The following FARP1 variants were observed in gnomAD, a reference collection of about 807,000 sequenced individuals.
FARP1 encodes the protein FERM, ARH/RhoGEF and pleckstrin domain protein 1, also known as FERM, ARHGEF and pleckstrin domain-containing protein 1.
FARP1 carries 52 observed loss-of-function variants against 128.8 expected under a neutral mutation model. The observed-to-expected ratio is 0.40, with a 90% CI of 0.32 to 0.51. FARP1 has a LOEUF of 0.51. FARP1 is among the 20% of genes least tolerant of loss of function. The probability of loss-of-function intolerance (pLI) is 0.45; values close to 1 mark genes in which losing one functional copy is unlikely to be tolerated. For missense variants in FARP1, 1,333 were observed against 1,367.9 expected, an observed-to-expected ratio of 0.97 and a Z score of 0.40; for synonymous variants, 580 against 551.8, an observed-to-expected ratio of 1.05 and a Z score of -0.72.
rs748376174 is a variant in FARP1, at chr13:98,451,716, T to C, written c.*3399T>C. 1.3e-5 allele frequency: 2 copies of C among 152,168 alleles called. No individual in the cohort carries two copies. The highest frequency in any genetic ancestry group is 2.9e-5 in the Non-Finnish European group (2 of 68,044). 9.4% of individuals were successfully genotyped at this position (152,168 alleles called of 1,614,324 possible). ...CTGGCACACCCACGGGAGATGTCAA[T>C]CATCAGCTTCAACAAACATAAAAGA... On this transcript the variant is annotated 3_prime_UTR_variant, in exon 27 of 27. Coordinates refer to ENST00000319562, the MANE Select transcript of FARP1 (RefSeq NM_005766.4).
intron 1 of FARP1, among the ~76,000 whole-genome samples, chr13:98,154,060 GA>G (rs1041531125): frequency 8.5e-5 from 13 of 152,120 alleles, no homozygotes; most frequent in African/African-American, 3.1e-4. Context: ...AACCTTTTGA[GA>G]CTGGCCTCTT....
At chr13:98,368,218 A>G (rs1261579445) in intron 5 of FARP1, 23 bp downstream of exon 5, 1 of 1,568,460 alleles carries the variant, frequency 6.4e-7, no homozygotes, top group African/African-American at 1.4e-5. Context: ...GAAACTGTGT[A>G]TTTTTTGCTA....
At chr13:98,445,375 A>T (rs1354445876) in intron 24 of FARP1, 1 of 152,200 alleles carries the variant, frequency 6.6e-6, no homozygotes, top group Non-Finnish European at 1.5e-5. Context: ...GCCTGCTCAG[A>T]GTTGTTTGGA....
At chr13:98,388,628 A>T (rs1051638239) in intron 9 of FARP1, 150 bp downstream of exon 9, 1 of 640,246 alleles carries the variant, frequency 1.6e-6, no homozygotes, top group Admixed American at 2.5e-5. Flanking sequence ...GAGCGTCTCT[A>T]GGACAGATGT....
intron 1 of FARP1, among the ~76,000 whole-genome samples, chr13:98,152,080 G>A (rs1011675190): frequency 2.6e-5 from 4 of 152,144 alleles, no homozygotes; most frequent in Admixed American, 2.0e-4. Context: ...AGCAGTTTCA[G>A]CCATCAAATA....
At chr13:98,321,041 G>T (rs1280160407) in intron 2 of FARP1, among the ~76,000 whole-genome samples, 1 of 152,212 alleles carries the variant, frequency 6.6e-6, no homozygotes, top group Non-Finnish European at 1.5e-5. Context: ...GAAGAAGAAC[G>T]TGATGGTAAC....
rs1460081840 is a variant in FARP1 at position 98,379,186 on chromosome 13, T to G, written c.496+1268T>G. The stretch of plus-strand genomic sequence containing the variant: ...TAATATATAATCTATATATAATATA[T>G]ATAATATATAATATATATATAATAT... On this transcript the variant is annotated intron_variant, in intron 6 of 26. Coordinates refer to ENST00000319562, the MANE Select transcript of FARP1 (RefSeq NM_005766.4). Among the ~76,000 whole-genome samples the G allele has an allele frequency of 8.0e-3, 605 of 75,252 alleles. 158 individuals are homozygous for G. Among genetic ancestry groups the G allele is most frequent in the African/African-American group, 0.044 (586 of 13,454 alleles). 49.4% of individuals were successfully genotyped at this position (75,252 alleles called of 152,430 possible). A position where few individuals can be genotyped will look rare whatever the true frequency, so the allele number is the denominator to read the frequency against.
chr13:98,323,462 T>C (rs1887094031), intron 2 of FARP1, among the ~76,000 whole-genome samples: 2 of 151,972 alleles, frequency 1.3e-5, no homozygotes, highest in African/African-American at 4.8e-5. Context: ...ATTTTTTTTT[T>C]CCATTTGAGG....
At chr13:98,233,933 AAG>A (rs1882283895) in intron 2 of FARP1, 1 of 152,218 alleles carries the variant, frequency 6.6e-6, no homozygotes, top group Non-Finnish European at 1.5e-5. Context: ...GAAATGGAAA[AAG>A]AGGAAATTAC....
chr13:98,182,746 AG>A (rs1878617356), intron 1 of FARP1, among the ~76,000 whole-genome samples: 1 of 152,216 alleles, frequency 6.6e-6, no homozygotes, highest in South Asian at 2.1e-4. Flanking sequence ...CCGAGTACCA[AG>A]GTCTTGGGCC....
intron 3 of FARP1, among the ~76,000 whole-genome samples, chr13:98,355,582 A>T (rs2139926833): frequency 6.6e-6 from 1 of 152,322 alleles, no homozygotes; most frequent in Non-Finnish European, 1.5e-5. Flanking sequence ...TGTACGTTTC[A>T]ACAAGCCCTT....
intron 26 of FARP1, chr13:98,447,079 G>A (rs867014417): frequency 5.3e-5 from 24 of 455,462 alleles, no homozygotes; most frequent in Admixed American, 4.3e-4. Context: ...CTGACATAAC[G>A]TGTCCGGGAT....
intron 3 of FARP1, among the ~76,000 whole-genome samples, chr13:98,344,835 G>A (rs1005872207): frequency 3.9e-5 from 6 of 152,248 alleles, no homozygotes; most frequent in East Asian, 1.9e-4. Flanking sequence ...ACACTCTGTC[G>A]TTTTCTAGTT....
At chr13:98,417,714 G>A (rs1891441046) in intron 16 of FARP1, among the ~76,000 whole-genome samples, 1 of 152,220 alleles carries the variant, frequency 6.6e-6, no homozygotes, top group Non-Finnish European at 1.5e-5. Context: ...GCTGCTGTCA[G>A]GAGTTTCACA....
At chr13:98,207,945 C>CACACAG in intron 1 of FARP1, among the ~76,000 whole-genome samples, 1 of 149,262 alleles carries the variant, frequency 6.7e-6, no homozygotes, top group East Asian at 2.0e-4. Context: ...CACACACACA[C>CACACAG]ACACACACAC....
chr13:98,238,060 T>C (rs9582204), intron 2 of FARP1, among the ~76,000 whole-genome samples: 9,933 of 152,178 alleles, frequency 0.065, 942 homozygotes, highest in East Asian at 0.46. Flanking sequence ...AGCTGGAGAA[T>C]GTCATGCCAG....
chr13:98,292,692 C>A (rs1885505372), intron 2 of FARP1, among the ~76,000 whole-genome samples: 1 of 152,120 alleles, frequency 6.6e-6, no homozygotes, highest in Non-Finnish European at 1.5e-5. Context: ...GTATAGGAAC[C>A]ATCTATGATA....
chr13:98,442,369 C>T (rs1339952549), intron 24 of FARP1, among the ~76,000 whole-genome samples: 1 of 152,224 alleles, frequency 6.6e-6, no homozygotes, highest in Non-Finnish European at 1.5e-5. Flanking sequence ...TCAGACCTGC[C>T]TTTATTGAGT....
chr13:98,368,001 G>A (rs1184795174), intron 4 of FARP1, 116 bp from the exon 5 acceptor site: 10 of 736,874 alleles, frequency 1.4e-5, no homozygotes, highest in Non-Finnish European at 2.0e-5. Context: ...AATGGCAGAT[G>A]TGCACTTGGC....
Sources: allele counts gnomAD v4.1 joint callset (sites outside exome capture counted in the v4.1 genomes callset), GRCh38; gene constraint gnomAD v4.1.1; transcripts MANE v1.5; gene names NCBI Gene and HGNC (gene_info 2026-07-23, HGNC 2026-07-21).